The following RXRA variants were observed in gnomAD, a reference collection of about 807,000 sequenced individuals.
RXRA encodes the protein retinoic acid receptor RXR-alpha.
In RXRA, 5 loss-of-function variants were observed where a neutral mutation model predicts 44.5. The ratio of observed to expected loss-of-function variants is 0.11; its 90% confidence interval spans 0.06 to 0.24. RXRA has a LOEUF of 0.24. RXRA is among the 10% of genes least tolerant of loss of function. The pLI, the probability that RXRA is intolerant of heterozygous loss-of-function variation, is 1.00. For missense variants in RXRA, 412 were observed against 646.5 expected (o/e 0.64, Z 3.93); for synonymous variants, 291 against 271.4 (o/e 1.07, Z -0.71).
chr9:134,414,832 G>A (rs545924219), intron 4 of RXRA, among the ~76,000 whole-genome samples: 4 of 150,242 alleles, frequency 2.7e-5, no homozygotes, highest in Admixed American at 6.6e-5. Flanking sequence ...TTCCTGCCCC[G>A]GGGGCTGCTC....
intron 2 of RXRA, chr9:134,404,961 GA>G (rs924601584): frequency 2.6e-5 from 4 of 152,290 alleles, no homozygotes; most frequent in Admixed American, 2.6e-4. Context: ...TCTGAAAGGG[GA>G]AATGCGATGG....
intron 5 of RXRA, 115 bp from the exon 6 acceptor site, chr9:134,421,561 G>A: frequency 3.3e-6 from 4 of 1,209,662 alleles, no homozygotes; most frequent in Non-Finnish European, 4.6e-6. Context: ...ATCTTTGGGG[G>A]CCGTATTCAG....
intron 1 of RXRA, among the ~76,000 whole-genome samples, chr9:134,332,554 A>T (rs1427350607): frequency 2.1e-4 from 32 of 151,614 alleles, no homozygotes; most frequent in African/African-American, 7.5e-4. Context: ...AGAGGTAGGG[A>T]CAGCAAGGTC....
Position 134,356,748 on chromosome 9 carries a change from A to G in RXRA, c.28+30089A>G, listed in dbSNP as rs1267646467. On this transcript the variant is annotated intron_variant, in intron 1 of 9. Transcript: ENST00000481739. The stretch of plus-strand genomic sequence containing the variant: ...TCACCGTTGTCCTGCTATGGAGGGG[A>G]AGGTGACAAGCTTCTCTGGTGGCAC... Among the ~76,000 whole-genome samples, 17 of 152,214 alleles carry G rather than the reference A, an allele frequency of 1.1e-4. 1 individual carries two copies. The South Asian group carries it at 3.3e-3, about 30-fold the overall frequency.
chr9:134,427,315 G>GTTT, intron 6 of RXRA: 1 of 300,208 alleles, frequency 3.3e-6, no homozygotes, highest in Non-Finnish European at 4.9e-6. Context: ...CGCCCCGGGG[G>GTTT]ACCCCACTCT....
rs1805338 is a variant in RXRA, at chr9:134,401,555, A to G, written c.29-77A>G. The G allele has an allele frequency of 7.0e-5, 112 of 1,598,444 alleles. No individual in the cohort carries two copies. The African/African-American group carries it at 1.4e-3, about 20-fold the overall frequency. ...TCTTCCCGCAGGTGCGTGCATCTGT[A>G]GCTGGGGGGAGCAGGCATTTGGTGG... On this transcript the variant is annotated intron_variant, in intron 1 of 9. Coordinates refer to ENST00000481739, the MANE Select transcript of RXRA (RefSeq NM_002957.6).
Position 134,421,691 on chromosome 9 carries a change from A to G in RXRA, c.796A>G (p.Thr266Ala). 2 of 1,570,398 alleles carry G rather than the reference A, an allele frequency of 1.3e-6. No individual in the cohort carries two copies. Among genetic ancestry groups the G allele is most frequent in the Non-Finnish European group, 1.7e-6 (2 of 1,153,250 alleles). ...TCCACTGCAGCCGAACGACCCTGTCACCAACATTTGCCAAGCAGCCGACAA... is the reference window on the plus strand; with the variant it reads ...TCCACTGCAGCCGAACGACCCTGTCGCCAACATTTGCCAAGCAGCCGACAA... ...LNPSSPNDPV[T>A]NICQAADKQL... Residue 266 changes from threonine (T) to alanine (A), a missense_variant, in exon 6 of 10, where the codon ACC (threonine) becomes GCC (alanine). By Grantham distance (58) the Thr-to-Ala change is moderately conservative. This residue lies in a region of RXRA where 67 missense variants were observed against 78.7 expected (regional missense o/e 0.85). Coordinates refer to ENST00000481739, the MANE Select transcript of RXRA (RefSeq NM_002957.6).
intron 1 of RXRA, among the ~76,000 whole-genome samples, chr9:134,340,598 C>T (rs1554748003): frequency 6.6e-6 from 1 of 152,198 alleles, no homozygotes; most frequent in East Asian, 1.9e-4. Flanking sequence ...AGATCCCTTT[C>T]TGCAGGCACC....
intron 1 of RXRA, among the ~76,000 whole-genome samples, chr9:134,352,623 T>C (rs1308127079): frequency 6.6e-6 from 1 of 152,176 alleles, no homozygotes; most frequent in Non-Finnish European, 1.5e-5. Flanking sequence ...GCACCCTGGC[T>C]GAGCCCTGCA....
intron 1 of RXRA, among the ~76,000 whole-genome samples, chr9:134,370,477 G>A (rs1379672612): frequency 2.0e-5 from 3 of 152,366 alleles, no homozygotes; most frequent in Non-Finnish European, 4.4e-5. Context: ...GTCTCTCGCC[G>A]TGGGGCATCA....
intron 1 of RXRA, among the ~76,000 whole-genome samples, chr9:134,377,560 C>T (rs893941326): frequency 6.6e-6 from 1 of 152,212 alleles, no homozygotes; most frequent in Non-Finnish European, 1.5e-5. Context: ...AGCACACCCA[C>T]ACCCCCAGCT....
intron 1 of RXRA, among the ~76,000 whole-genome samples, chr9:134,373,756 C>G (rs1017570653): frequency 1.3e-5 from 2 of 152,260 alleles, no homozygotes; most frequent in African/African-American, 4.8e-5. Flanking sequence ...CAGCCGATAG[C>G]CAGGTTCCTG....
intron 1 of RXRA, among the ~76,000 whole-genome samples, chr9:134,336,760 AGC>A (rs2119018490): frequency 6.6e-6 from 1 of 152,348 alleles, no homozygotes; most frequent in East Asian, 1.9e-4. Flanking sequence ...TCATGTGGTC[AGC>A]CAACTGATCC....
At chr9:134,379,554 G>A (rs1429933128) in intron 1 of RXRA, 5 of 985,574 alleles carry the variant, frequency 5.1e-6, no homozygotes, top group African/African-American at 1.7e-5. Context: ...TTGGTGGCTC[G>A]GCCTCATGGG....
At chr9:134,424,691 A>T in intron 6 of RXRA, 1 of 985,410 alleles carries the variant, frequency 1.0e-6, no homozygotes, top group Non-Finnish European at 1.2e-6. Flanking sequence ...GGAACACTGG[A>T]GTTTGAAGCC....
At chr9:134,326,700 C>CGGGGGCCGGCGGGCGGGA (rs1406497727) in intron 1 of RXRA, 41 bp downstream of exon 1, 1 of 488,296 alleles carries the variant, frequency 2.0e-6, no homozygotes, top group Non-Finnish European at 2.6e-6. Context: ...GGCCGGGGGC[C>CGGGGGCCGGCGGGCGGGA]GGGGGCCGGC....
At chr9:134,395,204 A>G (rs926007254) in intron 1 of RXRA, among the ~76,000 whole-genome samples, 1 of 152,220 alleles carries the variant, frequency 6.6e-6, no homozygotes, top group African/African-American at 2.4e-5. Flanking sequence ...CCACATGTCC[A>G]TGGGGCTGGC....
chr9:134,399,428 G>A (rs1484467553), intron 1 of RXRA, among the ~76,000 whole-genome samples: 1 of 152,208 alleles, frequency 6.6e-6, no homozygotes, highest in Non-Finnish European at 1.5e-5. Context: ...AGACTCGTGA[G>A]CAGCCTGATT....
At chr9:134,337,497 T>A (rs781912462) in intron 1 of RXRA, among the ~76,000 whole-genome samples, 14 of 152,168 alleles carry the variant, frequency 9.2e-5, no homozygotes, top group Non-Finnish European at 2.1e-4. Context: ...TAACCCTCTT[T>A]GGGCCTTAGT....
Sources: allele counts gnomAD v4.1 joint callset (sites outside exome capture counted in the v4.1 genomes callset), GRCh38; gene constraint gnomAD v4.1.1; regional missense constraint gnomAD v4.1.1; transcripts MANE v1.5; gene names NCBI Gene and HGNC (gene_info 2026-07-23, HGNC 2026-07-21).